The following UTRN variants were observed in gnomAD, a reference collection of about 807,000 sequenced individuals.
UTRN encodes dystrophin-related protein 1.
Under a neutral mutation model 463.9 loss-of-function variants are expected in UTRN, and 283 were observed. The observed-to-expected ratio is 0.61, with a 90% CI of 0.55 to 0.67. UTRN has a LOEUF of 0.67. UTRN is among the 30% of genes least tolerant of loss of function. The pLI, the probability that UTRN is intolerant of heterozygous loss-of-function variation, is 0.00. For missense variants in UTRN, 3,922 were observed against 4,084.3 expected (o/e 0.96, Z 1.08); for synonymous variants, 1,442 against 1,431.5 (o/e 1.01, Z -0.17).
intron 2 of UTRN, among the ~76,000 whole-genome samples, chr6:144,359,719 CG>C (rs992331979): frequency 2.7e-5 from 4 of 146,980 alleles, no homozygotes; most frequent in African/African-American, 7.6e-5. Context: ...GTCTACGCAT[CG>C]TTTTTTTTTT....
chr6:144,660,859 G>T (rs1367736514), intron 51 of UTRN, among the ~76,000 whole-genome samples: 2 of 152,300 alleles, frequency 1.3e-5, no homozygotes, highest in East Asian at 3.9e-4. Context: ...TTAATGCTTG[G>T]ATTATTAAAT....
chr6:144,478,574 G>C (rs1791494191), intron 25 of UTRN, among the ~76,000 whole-genome samples: 1 of 152,138 alleles, frequency 6.6e-6, no homozygotes, highest in African/African-American at 2.4e-5. Context: ...GCTCTTGTTT[G>C]GTCCTGTCTA....
chr6:144,833,652 T>A (rs1780859066), intron 69 of UTRN, among the ~76,000 whole-genome samples: 1 of 152,208 alleles, frequency 6.6e-6, no homozygotes, highest in African/African-American at 2.4e-5. Context: ...ATTTGTCCTA[T>A]CCATATGTTA....
At chr6:144,365,419 A>G (rs1027658502) in intron 2 of UTRN, among the ~76,000 whole-genome samples, 7 of 152,188 alleles carry the variant, frequency 4.6e-5, no homozygotes, top group African/African-American at 1.7e-4. Flanking sequence ...CATGAGGAGG[A>G]GATGGTCAAC....
At chr6:144,760,757 A>T (rs960884994) in intron 58 of UTRN, among the ~76,000 whole-genome samples, 7 of 152,234 alleles carry the variant, frequency 4.6e-5, no homozygotes, top group African/African-American at 1.7e-4. Flanking sequence ...CAAATTTTGC[A>T]TGATTGCCAT....
At position 144,824,575 on chromosome 6, in the gene UTRN, TA is replaced by T. The variant is rs1779934961; in HGVS notation, c.9495-2772del. Among the ~76,000 whole-genome samples, 19 of 21,172 alleles carry T rather than the reference TA, an allele frequency of 9.0e-4. No individual in the cohort carries two copies. In the South Asian group the frequency reaches 0.018, roughly 20 times the overall value. The allele number at this position is 21,172 out of a possible 152,430, so 13.9% of individuals were successfully genotyped here. ...ATATATTAATATAGCATTTTATTTA[TA>T]TATATATATATATATATATATATAT... On this transcript the variant is annotated intron_variant, in intron 66 of 74. Coordinates refer to ENST00000367545, the MANE Select transcript of UTRN (RefSeq NM_007124.3).
intron 3 of UTRN, among the ~76,000 whole-genome samples, chr6:144,406,948 C>T (rs763773750): frequency 1.3e-5 from 2 of 152,028 alleles, no homozygotes; most frequent in African/African-American, 2.4e-5. Flanking sequence ...CTTACCATCC[C>T]GGTGGGCCCT....
At chr6:144,575,606 T>TA (rs1801362356) in intron 50 of UTRN, among the ~76,000 whole-genome samples, 1 of 152,196 alleles carries the variant, frequency 6.6e-6, no homozygotes, top group Non-Finnish European at 1.5e-5. Context: ...AGTATATTGT[T>TA]ATGATTGTTC....
chr6:144,333,651 A>C (rs1776497999), intron 2 of UTRN, among the ~76,000 whole-genome samples: 1 of 152,194 alleles, frequency 6.6e-6, no homozygotes, highest in African/African-American at 2.4e-5. Context: ...AGATCACCCA[A>C]GGGGTGGCAG....
chr6:144,545,801 C>G (rs1462339815), intron 46 of UTRN, among the ~76,000 whole-genome samples: 2 of 152,184 alleles, frequency 1.3e-5, no homozygotes, highest in African/African-American at 2.4e-5. Flanking sequence ...GGGTGGATCA[C>G]CTGAGGTCAG....
At chr6:144,809,519 T>C (rs1778429046) in intron 65 of UTRN, among the ~76,000 whole-genome samples, 1 of 152,068 alleles carries the variant, frequency 6.6e-6, no homozygotes, top group South Asian at 2.1e-4. Flanking sequence ...AAGAAGAGGT[T>C]TATTTATAAT....
intron 2 of UTRN, among the ~76,000 whole-genome samples, chr6:144,367,411 A>G (rs544336974): frequency 6.6e-6 from 1 of 151,784 alleles, no homozygotes; most frequent in Non-Finnish European, 1.5e-5. Context: ...TTAATTTTAC[A>G]GATGTGAATT....
chr6:144,553,915 CA>C (rs397886619), intron 48 of UTRN, among the ~76,000 whole-genome samples: 5,848 of 99,788 alleles, frequency 0.059, 265 homozygotes, highest in African/African-American at 0.16. Flanking sequence ...GACTCTCTCT[CA>C]AAAAAAAAAA....
Position 144,828,791 on chromosome 6 carries a change from C to G in UTRN, c.9601C>G (p.Leu3201Val), listed in dbSNP as rs756738971. ...AACCTCCTTATTTTTATTTTGCAGA[C>G]TGGCCCAGATGGAAAGGACTAATGG... The part of the protein sequence containing the change: ...HSRIEQYATR[L>V]AQMERTNGSF... Residue 3201 changes from leucine (L) to valine (V), a missense_variant and splice_region_variant, in exon 69 of 75, where the codon CTG (leucine) becomes GTG (valine). Around this residue, in one of 3 missense-constraint regions of UTRN, gnomAD observed 1,309 missense variants for 1,452.6 expected, o/e 0.90. Transcript: ENST00000367545. The G allele has an allele frequency of 6.2e-6, 10 of 1,613,378 alleles. No homozygotes were observed. The Admixed American group carries it at 1.5e-4, about 24-fold the overall frequency.
chr6:144,398,159 G>A, intron 2 of UTRN: 1 of 250,042 alleles, frequency 4.0e-6, no homozygotes, highest in Non-Finnish European at 8.3e-6. Context: ...TCCCTGGGGT[G>A]GTGTACCTGC....
intron 2 of UTRN, among the ~76,000 whole-genome samples, chr6:144,328,619 T>A (rs1584297921): frequency 6.6e-6 from 1 of 152,182 alleles, no homozygotes; most frequent in Non-Finnish European, 1.5e-5. Context: ...TATTTCCTTT[T>A]ACAATGAGTA....
intron 51 of UTRN, among the ~76,000 whole-genome samples, chr6:144,577,749 A>T (rs1466887634): frequency 6.6e-6 from 1 of 152,212 alleles, no homozygotes; most frequent in Non-Finnish European, 1.5e-5. Context: ...GATAACTGTG[A>T]TTGTATATGT....
intron 51 of UTRN, among the ~76,000 whole-genome samples, chr6:144,581,357 C>A (rs967539421): frequency 1.1e-4 from 17 of 152,116 alleles, no homozygotes; most frequent in African/African-American, 4.1e-4. Flanking sequence ...TTGGCATTAC[C>A]AATTAATTGA....
chr6:144,677,609 A>G (rs1406473865), intron 51 of UTRN, among the ~76,000 whole-genome samples: 1 of 152,208 alleles, frequency 6.6e-6, no homozygotes, highest in Non-Finnish European at 1.5e-5. Flanking sequence ...AGAATGATTT[A>G]TAATCCTTTG....
Sources: gnomAD v4.1 joint callset for allele counts (sites outside exome capture counted in the v4.1 genomes callset) on GRCh38, gnomAD v4.1.1 for gene constraint, gnomAD v4.1.1 regional missense constraint, MANE v1.5 for transcripts, NCBI Gene and HGNC (gene_info 2026-07-23, HGNC 2026-07-21) for gene names.